Variants in KIF16B observed in about 807,000 individuals in gnomAD.
KIF16B encodes kinesin-like protein KIF16B.
A neutral mutation model predicts 156.3 loss-of-function variants in KIF16B; 98 were observed. That is an observed-to-expected ratio of 0.63 (90% CI 0.53 to 0.74). The LOEUF is 0.74. KIF16B is among the 30% of genes least tolerant of loss of function. KIF16B has a pLI of 0.00. For missense variants in KIF16B, 1,421 were observed against 1,606.5 expected (o/e 0.88, Z 1.97); for synonymous variants, 564 against 583.7 (o/e 0.97, Z 0.49).
chr20:16,457,632 C>T (rs2067244464), intron 12 of KIF16B, among the ~76,000 whole-genome samples: 1 of 152,100 alleles, frequency 6.6e-6, no homozygotes, highest in African/African-American at 2.4e-5. Flanking sequence ...TGCTGCCTAG[C>T]CTTGTCTTGT....
chr20:16,285,470 G>A (rs2063209516), intron 25 of KIF16B, among the ~76,000 whole-genome samples: 1 of 152,084 alleles, frequency 6.6e-6, no homozygotes, highest in African/African-American at 2.4e-5. Flanking sequence ...ATTGTTATTA[G>A]TTTTTTTGCG....
At chr20:16,298,923 G>C (rs1156853844) in intron 25 of KIF16B, among the ~76,000 whole-genome samples, 2 of 151,552 alleles carry the variant, frequency 1.3e-5, no homozygotes, top group Non-Finnish European at 2.9e-5. Context: ...AAAAAAAAGA[G>C]AGAAAAACCT....
At chr20:16,367,275 T>TG in intron 22 of KIF16B, 2 of 1,612,882 alleles carry the variant, frequency 1.2e-6, no homozygotes, top group Non-Finnish European at 1.7e-6. Flanking sequence ...ACTGGACATT[T>TG]GGGGCTTCCT....
chr20:16,446,621 G>C lies in KIF16B; in HGVS notation c.1303-16639C>G, dbSNP rs556904777. Among the ~76,000 whole-genome samples the C allele has an allele frequency of 2.6e-5, 4 of 152,198 alleles. No homozygotes were observed. The East Asian group carries it at 7.7e-4, about 29-fold the overall frequency. On this transcript the variant is annotated intron_variant, in intron 12 of 25. Coordinates refer to ENST00000354981, the MANE Select transcript of KIF16B (RefSeq NM_024704.5). ...AAAATTAAAACAATTCCTTAAAACA[G>C]ACTAGATCTTTAATTCAAAAATATA...
intron 4 of KIF16B, among the ~76,000 whole-genome samples, chr20:16,513,987 G>A (rs2069050707): frequency 6.6e-6 from 1 of 152,058 alleles, no homozygotes; most frequent in South Asian, 2.1e-4. Context: ...TTTTTTCTTT[G>A]TACCATTAAA....
intron 7 of KIF16B, among the ~76,000 whole-genome samples, chr20:16,507,311 A>T (rs894644113): frequency 5.9e-5 from 9 of 152,082 alleles, no homozygotes; most frequent in African/African-American, 2.2e-4. Flanking sequence ...GCCTCTTTGT[A>T]TCTGATGTGT....
At chr20:16,527,205 G>C (rs1024677540) in intron 2 of KIF16B, among the ~76,000 whole-genome samples, 2 of 152,234 alleles carry the variant, frequency 1.3e-5, no homozygotes, top group Non-Finnish European at 2.9e-5. Flanking sequence ...GCCAGATAGA[G>C]CTGGAAGGCA....
chr20:16,514,657 G>A (rs767813774), intron 4 of KIF16B, among the ~76,000 whole-genome samples: 5 of 149,194 alleles, frequency 3.4e-5, no homozygotes, highest in Non-Finnish European at 4.4e-5. Context: ...TTGGGAGGCC[G>A]AGGCAGGCGG....
intron 24 of KIF16B, among the ~76,000 whole-genome samples, chr20:16,328,874 T>G (rs2063901172): frequency 6.6e-6 from 1 of 152,104 alleles, no homozygotes; most frequent in Non-Finnish European, 1.5e-5. Context: ...CATGACCTAG[T>G]CACCTCCCAA....
intron 25 of KIF16B, among the ~76,000 whole-genome samples, chr20:16,307,792 A>C (rs2063562523): frequency 6.6e-6 from 1 of 152,184 alleles, no homozygotes; most frequent in Non-Finnish European, 1.5e-5. Context: ...TACCACTGGC[A>C]GTTCGAGAAA....
chr20:16,537,209 T>C (rs35946794), intron 1 of KIF16B, among the ~76,000 whole-genome samples: 2,573 of 152,288 alleles, frequency 0.017, 42 homozygotes, highest in Non-Finnish European at 0.024. Context: ...CAACTCTCAG[T>C]GCTACTATAC....
rs1414761144 is a variant in KIF16B, at chr20:16,511,548, T to C, written c.447-21A>G. The C allele has an allele frequency of 3.4e-6, 5 of 1,470,034 alleles. No homozygotes were observed. In the African/African-American group the frequency reaches 5.6e-5, roughly 17 times the overall value. The allele number at this position is 1,470,034 out of a possible 1,614,324, so 91.1% of individuals were successfully genotyped here. Reference sequence around the variant, plus strand: ...AGTAGCTAAAAATTTAAAATAAAATTGAATTCAGAAAAATGATTTCAGACA... The same window carrying C: ...AGTAGCTAAAAATTTAAAATAAAATCGAATTCAGAAAAATGATTTCAGACA... On this transcript the variant is annotated intron_variant, in intron 5 of 25. Transcript: ENST00000354981.
At chr20:16,539,914 G>A (rs990448659) in intron 1 of KIF16B, among the ~76,000 whole-genome samples, 4 of 152,182 alleles carry the variant, frequency 2.6e-5, no homozygotes, top group African/African-American at 9.7e-5. Flanking sequence ...CATTAGCCTG[G>A]AAGATTCTAA....
chr20:16,362,497 T>C (rs1323143807), intron 22 of KIF16B, among the ~76,000 whole-genome samples: 1 of 152,184 alleles, frequency 6.6e-6, no homozygotes, highest in Non-Finnish European at 1.5e-5. Flanking sequence ...AAAACAAATT[T>C]ACAGGTCAGT....
intron 15 of KIF16B, among the ~76,000 whole-genome samples, chr20:16,411,502 T>C (rs2065954574): frequency 1.3e-5 from 2 of 152,036 alleles, no homozygotes; most frequent in South Asian, 4.1e-4. Flanking sequence ...TTCTTATCAC[T>C]GTTGTCCACA....
intron 12 of KIF16B, among the ~76,000 whole-genome samples, chr20:16,471,863 T>G (rs1417433067): frequency 6.6e-6 from 1 of 152,234 alleles, no homozygotes; most frequent in Non-Finnish European, 1.5e-5. Context: ...AGGTTTTTTG[T>G]TAATCATATC....
At chr20:16,408,102 C>T (rs2065832241) in intron 15 of KIF16B, among the ~76,000 whole-genome samples, 1 of 152,114 alleles carries the variant, frequency 6.6e-6, no homozygotes, top group Admixed American at 6.6e-5. Context: ...CTCAGGCCAG[C>T]ATATCCACCT....
chr20:16,484,577 AT>A (rs1418093433), intron 12 of KIF16B, among the ~76,000 whole-genome samples: 1 of 152,166 alleles, frequency 6.6e-6, no homozygotes. Flanking sequence ...ACAGTAACGT[AT>A]TTTTTCTCTT....
chr20:16,379,105 A>G lies in KIF16B; in HGVS notation c.2897T>C (p.Leu966Pro), dbSNP rs2065024440. 1.2e-6 allele frequency: 2 copies of G among 1,612,794 alleles called. No individual in the cohort carries two copies. Among genetic ancestry groups the G allele is most frequent in the Non-Finnish European group, 1.7e-6 (2 of 1,179,232 alleles). ...LAQYQANANQ[L>P]QKLQATFEFT... is the part of the protein sequence containing the mutation. Reference sequence around the variant, plus strand: ...TTCAAAGGTGGCTTGGAGCTTTTGCAGCTGGTTTGCATTGGCCTGGTACTG... The same window carrying G: ...TTCAAAGGTGGCTTGGAGCTTTTGCGGCTGGTTTGCATTGGCCTGGTACTG... Residue 966 changes from leucine to proline, a missense_variant, in exon 19 of 26, where the codon CTG (leucine) becomes CCG (proline). Physicochemically the swap from Leu to Pro is moderately conservative, Grantham distance 98 (BLOSUM62 -3). Coordinates refer to ENST00000354981, the MANE Select transcript of KIF16B (RefSeq NM_024704.5).
Sources: allele counts gnomAD v4.1 joint callset (sites outside exome capture counted in the v4.1 genomes callset), GRCh38; gene constraint gnomAD v4.1.1; transcripts MANE v1.5; gene names NCBI Gene and HGNC (gene_info 2026-07-23, HGNC 2026-07-21).